Variants in HTR7 observed in about 807,000 individuals in gnomAD.
The protein encoded by HTR7 is 5-hydroxytryptamine receptor 7.
Under a neutral mutation model 34.0 loss-of-function variants are expected in HTR7, and 16 were observed. The observed-to-expected ratio is 0.47, with a 90% CI of 0.32 to 0.71. The LOEUF (loss-of-function observed/expected upper bound fraction) is 0.71, where lower values mean the gene tolerates loss of function less well. Among genes scored for constraint, HTR7 ranks in the 30% least tolerant of loss-of-function variants. HTR7 has a pLI of 0.04. For synonymous variants in HTR7, 265 were observed against 260.2 expected, an observed-to-expected ratio of 1.02 and a Z score of -0.18; for missense variants, 504 against 625.5, an observed-to-expected ratio of 0.81 and a Z score of 2.07.
At chr10:90,743,565 C>T (rs1345489098) in intron 3 of HTR7, 28 bp downstream of exon 3, 1 of 1,562,488 alleles carries the variant, frequency 6.4e-7, no homozygotes, top group Non-Finnish European at 8.8e-7. Context: ...AGCACTATCT[C>T]CAAAGTCTCC....
intron 1 of HTR7, among the ~76,000 whole-genome samples, chr10:90,759,257 A>G (rs576936993): frequency 8.3e-4 from 127 of 152,294 alleles, no homozygotes; most frequent in Non-Finnish European, 1.2e-3. Context: ...AGAAGTAGAC[A>G]TTCTCAAACA....
At chr10:90,844,459 C>A (rs1487412744) in intron 1 of HTR7, among the ~76,000 whole-genome samples, 1 of 151,794 alleles carries the variant, frequency 6.6e-6, no homozygotes, top group Non-Finnish European at 1.5e-5. Flanking sequence ...GGCGCAGTGG[C>A]TTATGCCTGT....
chr10:90,777,275 G>T (rs1257305261), intron 1 of HTR7, among the ~76,000 whole-genome samples: 1 of 152,022 alleles, frequency 6.6e-6, no homozygotes, highest in East Asian at 1.9e-4. Flanking sequence ...GAGGTCAGGG[G>T]TTTGAGACCA....
chr10:90,777,043 A>C (rs1280277861), intron 1 of HTR7, among the ~76,000 whole-genome samples: 2 of 152,194 alleles, frequency 1.3e-5, no homozygotes, highest in Non-Finnish European at 2.9e-5. Flanking sequence ...TAGCCTCACT[A>C]ACTGGCTTAA....
intron 1 of HTR7, among the ~76,000 whole-genome samples, chr10:90,778,611 A>G (rs1368004469): frequency 6.6e-6 from 1 of 152,226 alleles, no homozygotes; most frequent in East Asian, 1.9e-4. Context: ...CCTAAAACAG[A>G]GACTGTACTA....
At chr10:90,743,551 C>A (rs1346964546) in intron 3 of HTR7, 42 bp downstream of exon 3, 1 of 1,463,618 alleles carries the variant, frequency 6.8e-7, no homozygotes, top group African/African-American at 1.4e-5. Context: ...TTCCTCCAGA[C>A]CACAGCACTA....
chr10:90,771,100 A>G (rs933536313), intron 1 of HTR7, among the ~76,000 whole-genome samples: 14 of 152,120 alleles, frequency 9.2e-5, no homozygotes, highest in African/African-American at 3.4e-4. Flanking sequence ...CCAGCTGCAG[A>G]CAGGAGCTAC....
intron 1 of HTR7, among the ~76,000 whole-genome samples, chr10:90,824,732 G>C (rs1846043315): frequency 6.6e-6 from 1 of 152,248 alleles, no homozygotes; most frequent in Non-Finnish European, 1.5e-5. Flanking sequence ...TGGTAGCCTG[G>C]CAGTATTCCT....
intron 1 of HTR7, among the ~76,000 whole-genome samples, chr10:90,766,196 GTTC>G (rs1278220709): frequency 6.6e-6 from 1 of 152,100 alleles, no homozygotes; most frequent in African/African-American, 2.4e-5. Context: ...ATACTTAGGT[GTTC>G]CAATGTTAAA....
chr10:90,769,646 C>G (rs1418091380), intron 1 of HTR7, among the ~76,000 whole-genome samples: 1 of 151,852 alleles, frequency 6.6e-6, no homozygotes, highest in African/African-American at 2.4e-5. Flanking sequence ...CAACTATAAC[C>G]AAATATGCAC....
At chr10:90,804,540 C>T (rs2119936879) in intron 1 of HTR7, among the ~76,000 whole-genome samples, 1 of 152,290 alleles carries the variant, frequency 6.6e-6, no homozygotes, top group South Asian at 2.1e-4. Flanking sequence ...GCATGCTCCC[C>T]CTCCCACAAG....
chr10:90,783,391 G>GCAGCC (rs1845336456), intron 1 of HTR7, among the ~76,000 whole-genome samples: 1 of 152,124 alleles, frequency 6.6e-6, no homozygotes, highest in African/African-American at 2.4e-5. Flanking sequence ...AAAGCCCTGT[G>GCAGCC]TTTATTTCCT....
At chr10:90,846,772 A>T (rs549012739) in intron 1 of HTR7, among the ~76,000 whole-genome samples, 1 of 152,356 alleles carries the variant, frequency 6.6e-6, no homozygotes, top group Admixed American at 6.5e-5. Context: ...GAGGCTAAGA[A>T]ATGCAGCCTT....
chr10:90,752,066 G>T (rs1469481494), intron 1 of HTR7, among the ~76,000 whole-genome samples: 1 of 152,058 alleles, frequency 6.6e-6, no homozygotes, highest in East Asian at 1.9e-4. Context: ...CATAAACTCT[G>T]TTCTACATTA....
In HTR7 at chr10:90,823,140, G is replaced by C. The variant is rs188974017; in HGVS notation, c.539+33993C>G. 4.2e-4 allele frequency among the ~76,000 whole-genome samples: 64 copies of C among 152,358 alleles called. No homozygotes were observed. The South Asian group carries it at 9.7e-3, about 23-fold the overall frequency. Reference sequence around the variant, plus strand: ...CACTGGGGCACTGCCTCGTGGAGCTGTTAGAAGAGGGCCACTGTCCTCCAG... The same window carrying C: ...CACTGGGGCACTGCCTCGTGGAGCTCTTAGAAGAGGGCCACTGTCCTCCAG... On this transcript the variant is annotated intron_variant, in intron 1 of 3. Transcript: ENST00000336152.
At chr10:90,823,016 A>C (rs1239394578) in intron 1 of HTR7, among the ~76,000 whole-genome samples, 2 of 152,266 alleles carry the variant, frequency 1.3e-5, no homozygotes, top group East Asian at 3.8e-4. Context: ...CTGGATGTGC[A>C]GGCAGAAGTC....
intron 1 of HTR7, among the ~76,000 whole-genome samples, chr10:90,801,372 T>G (rs992978573): frequency 2.6e-5 from 4 of 152,194 alleles, no homozygotes; most frequent in Non-Finnish European, 5.9e-5. Context: ...TGACTAAAAC[T>G]CCATAGTTGC....
At chr10:90,817,358 C>T (rs1845912961) in intron 1 of HTR7, among the ~76,000 whole-genome samples, 1 of 152,202 alleles carries the variant, frequency 6.6e-6, no homozygotes, top group Non-Finnish European at 1.5e-5. Flanking sequence ...AGACTACTAG[C>T]TTATCTTCAC....
chr10:90,803,686 G>C (rs1284737583), intron 1 of HTR7, among the ~76,000 whole-genome samples: 3 of 152,158 alleles, frequency 2.0e-5, no homozygotes, highest in African/African-American at 7.2e-5. Flanking sequence ...CCTGGTGTTG[G>C]GGAGAGGAGC....
Sources: gnomAD v4.1 joint callset for allele counts (sites outside exome capture counted in the v4.1 genomes callset) on GRCh38, gnomAD v4.1.1 for gene constraint, MANE v1.5 for transcripts, NCBI Gene and HGNC (gene_info 2026-07-23, HGNC 2026-07-21) for gene names.